The following ZNF66 variants were observed in gnomAD, a reference collection of about 807,000 sequenced individuals.
ZNF66 encodes putative zinc finger protein 66.
A neutral mutation model predicts 35.2 loss-of-function variants in ZNF66; 32 were observed. The observed-to-expected ratio is 0.91, with a 90% CI of 0.69 to 1.22. The LOEUF is 1.22. ZNF66 is among the 50% of genes most tolerant of loss of function. ZNF66 has a pLI of 0.00. For missense variants in ZNF66, 666 were observed against 543.1 expected (o/e 1.23, Z -2.25); for synonymous variants, 231 against 181.3 (o/e 1.27, Z -2.20).
chr19:20,807,172 T>TA lies in ZNF66; in HGVS notation c.1573dup (p.Thr525AsnfsTer2), dbSNP rs1971528064. On this transcript the variant is annotated frameshift_variant, in exon 4 of 4. Coordinates refer to ENST00000344519, the MANE Select transcript of ZNF66 (RefSeq NM_001355197.2). LOFTEE classifies it high-confidence loss of function. ...AAGACTTTAAGTACTCCTCTACCCT[T>TA]ACTAGACATAAGAAAATTCATACTG... 6.5e-6 allele frequency: 5 copies of TA among 765,574 alleles called. No individual in the cohort carries two copies. Among genetic ancestry groups the TA allele is most frequent in the Non-Finnish European group, 1.1e-5 (5 of 437,308 alleles). 47.4% of individuals were successfully genotyped at this position (765,574 alleles called of 1,614,324 possible). A position where few individuals can be genotyped will look rare whatever the true frequency, so the allele number is the denominator to read the frequency against.
rs767978356 is a variant in ZNF66, at chr19:20,806,156, T to A, written c.556T>A (p.Ser186Thr). Residue 186 changes from serine to threonine, a missense_variant, in exon 4 of 4, where the codon TCA (serine) becomes ACA (threonine). Ser to Thr is a moderately conservative substitution (Grantham distance 58). Transcript: ENST00000344519. ...TECGKAFNRS[S>T]TFTTHKKIHT... ...ATGTGGCAAAGCTTTTAACCGGTCC[T>A]CAACCTTTACTACACATAAGAAAAT... is the stretch of plus-strand genomic sequence containing the variant. 3.3e-6 allele frequency: 4 copies of A among 1,224,608 alleles called. 1 individual carries two copies. The African/African-American group carries it at 5.9e-5, about 18-fold the overall frequency. 75.9% of individuals were successfully genotyped at this position (1,224,608 alleles called of 1,614,324 possible).
chr19:20,797,076 T>C (rs428451), intron 3 of ZNF66, among the ~76,000 whole-genome samples: 14,050 of 151,820 alleles, frequency 0.093, 658 homozygotes, highest in Middle Eastern at 0.11. Flanking sequence ...GTCTTGAACT[T>C]ATGACCTCAG....
intron 3 of ZNF66, among the ~76,000 whole-genome samples, chr19:20,795,567 A>C (rs1001012970): frequency 1.2e-4 from 18 of 151,888 alleles, no homozygotes; most frequent in African/African-American, 3.6e-4. Flanking sequence ...GTGTTTCTCC[A>C]TGTTGGTCAG....
chr19:20,795,122 G>A (rs1410867688), intron 3 of ZNF66, among the ~76,000 whole-genome samples: 1 of 151,890 alleles, frequency 6.6e-6, no homozygotes, highest in East Asian at 1.9e-4. Flanking sequence ...TGATCTGCCC[G>A]CCTCTGCCTC....
chr19:20,791,058 T>A (rs1971332519), intron 1 of ZNF66, among the ~76,000 whole-genome samples: 1 of 152,224 alleles, frequency 6.6e-6, no homozygotes, highest in Non-Finnish European at 1.5e-5. Flanking sequence ...TTTGTGGCTG[T>A]TGAACATGGA....
At chr19:20,788,149 TAAAG>T (rs753702128) in intron 1 of ZNF66, among the ~76,000 whole-genome samples, 35 of 152,114 alleles carry the variant, frequency 2.3e-4, no homozygotes, top group Non-Finnish European at 4.0e-4. Context: ...ACTTGGATGA[TAAAG>T]AAGGAGGAGA....
intron 3 of ZNF66, among the ~76,000 whole-genome samples, chr19:20,796,210 CAG>C (rs1971390771): frequency 6.6e-6 from 1 of 150,576 alleles, no homozygotes; most frequent in Non-Finnish European, 1.5e-5. Flanking sequence ...GCATTTTTGT[CAG>C]AGATGGCTGA....
chr19:20,794,180 CT>C, intron 3 of ZNF66: 2 of 392,058 alleles, frequency 5.1e-6, no homozygotes, highest in Non-Finnish European at 9.4e-6. Flanking sequence ...AATCCAGCTG[CT>C]TTTTCATTGT....
At chr19:20,791,646 T>C (rs1351964387) in intron 1 of ZNF66, among the ~76,000 whole-genome samples, 1 of 152,152 alleles carries the variant, frequency 6.6e-6, no homozygotes, top group Non-Finnish European at 1.5e-5. Context: ...GAGGTATCTG[T>C]ATTTTGAGGT....
At chr19:20,781,962 G>T (rs1227933149) in intron 1 of ZNF66, among the ~76,000 whole-genome samples, 1 of 152,128 alleles carries the variant, frequency 6.6e-6, no homozygotes, top group Non-Finnish European at 1.5e-5. Flanking sequence ...GTTGGAGACA[G>T]AGTCTCACTT....
rs572948466 is a variant in ZNF66 at position 20,809,077 on chromosome 19, G to C, written c.*1755G>C. 4.4e-3 allele frequency among the ~76,000 whole-genome samples: 674 copies of C among 152,174 alleles called. No homozygotes were observed. The highest frequency in any genetic ancestry group is 0.01 in the Middle Eastern group (3 of 294). On this transcript the variant is annotated 3_prime_UTR_variant, in exon 4 of 4. Coordinates refer to ENST00000344519, the MANE Select transcript of ZNF66 (RefSeq NM_001355197.2). ...GCCAATGCGATCAACTGGAAGAAAG[G>C]GTATCAGTGATGGAAGATGAAATGA...
intron 1 of ZNF66, among the ~76,000 whole-genome samples, chr19:20,788,912 G>A (rs1441437216): frequency 4.0e-5 from 6 of 151,846 alleles, no homozygotes; most frequent in East Asian, 2.0e-4. Flanking sequence ...TTAGCTGGGC[G>A]TGGTGGCACA....
intron 1 of ZNF66, among the ~76,000 whole-genome samples, chr19:20,787,404 T>C (rs1352404594): frequency 6.6e-6 from 1 of 152,218 alleles, no homozygotes; most frequent in Non-Finnish European, 1.5e-5. Flanking sequence ...TGTATTCCAC[T>C]TGCTGTAACA....
chr19:20,793,036 C>T (rs1415463775), intron 2 of ZNF66, among the ~76,000 whole-genome samples: 2 of 150,272 alleles, frequency 1.3e-5, no homozygotes, highest in Admixed American at 6.7e-5. Context: ...CATTGCACTG[C>T]AGCCTGGGCA....
intron 1 of ZNF66, among the ~76,000 whole-genome samples, chr19:20,777,363 TA>T (rs1971204808): frequency 6.6e-6 from 1 of 151,834 alleles, no homozygotes; most frequent in Admixed American, 6.6e-5. Flanking sequence ...GTTATGTAAT[TA>T]GAGCTTAATT....
At position 20,803,533 on chromosome 19, in the gene ZNF66, TTA is replaced by T. The variant is rs139828295; in HGVS notation, c.227-2292_227-2291del. On this transcript the variant is annotated intron_variant, in intron 3 of 3. Coordinates refer to ENST00000344519, the MANE Select transcript of ZNF66 (RefSeq NM_001355197.2). ...TTATTGAGTTTGCCAATTATATTTT[TTA>T]TGTTTGTATATTCATTAACATGTTT... 9.0e-3 allele frequency among the ~76,000 whole-genome samples: 1,368 copies of T among 152,194 alleles called. 28 individuals carry two copies. The highest frequency in any genetic ancestry group is 7.7e-3 in the Non-Finnish European group (521 of 67,976).
rs1012923590 is a variant in ZNF66 at position 20,809,132 on chromosome 19, GA to G, written c.*1818del. Among the ~76,000 whole-genome samples the G allele has an allele frequency of 6.6e-6, 1 of 150,430 alleles. No homozygotes were observed. Among genetic ancestry groups the G allele is most frequent in the Non-Finnish European group, 1.5e-5 (1 of 67,442 alleles). ...AATGAAGTGAGAAGGGAAGTTTAGAGAAAAAAAATTAAAAAGAAACAAAGTC... is the reference window on the plus strand; with the variant it reads ...AATGAAGTGAGAAGGGAAGTTTAGAGAAAAAAATTAAAAAGAAACAAAGTC... On this transcript the variant is annotated 3_prime_UTR_variant, in exon 4 of 4. Coordinates refer to ENST00000344519, the MANE Select transcript of ZNF66 (RefSeq NM_001355197.2).
chr19:20,777,879 C>A (rs1971210431), intron 1 of ZNF66, among the ~76,000 whole-genome samples: 1 of 152,038 alleles, frequency 6.6e-6, no homozygotes, highest in African/African-American at 2.4e-5. Flanking sequence ...AATCTCTCTT[C>A]CATTTTGGCT....
chr19:20,776,467 A>C lies in ZNF66; in HGVS notation c.3+17A>C, dbSNP rs750896191. The C allele has an allele frequency of 2.6e-6, 4 of 1,545,822 alleles. No homozygotes were observed. In the East Asian group the frequency reaches 9.0e-5, roughly 35 times the overall value. ...CTAGAAATGGTGAGAGTGCCGGTCCAGCATCCCGAGAGAGGTGAAGTGTCT... is the reference window on the plus strand; with the variant it reads ...CTAGAAATGGTGAGAGTGCCGGTCCCGCATCCCGAGAGAGGTGAAGTGTCT... On this transcript the variant is annotated intron_variant, in intron 1 of 3. Transcript: ENST00000344519.
Sources: gnomAD v4.1 joint callset for allele counts (sites outside exome capture counted in the v4.1 genomes callset) on GRCh38, gnomAD v4.1.1 for gene constraint, MANE v1.5 for transcripts, NCBI Gene and HGNC (gene_info 2026-07-23, HGNC 2026-07-21) for gene names.